HTRA3: variants seen among roughly 807,000 people sequenced by gnomAD.
HTRA3 encodes HtrA serine peptidase 3.
In HTRA3, 41 loss-of-function variants were observed where a neutral mutation model predicts 43.2. The ratio of observed to expected loss-of-function variants is 0.95; its 90% confidence interval spans 0.74 to 1.23. The LOEUF (loss-of-function observed/expected upper bound fraction) is 1.23. Among genes scored for constraint, HTRA3 ranks in the 50% most tolerant of loss-of-function variants. The pLI is 0.00. For synonymous variants in HTRA3, 295 were observed against 287.9 expected (o/e 1.02, Z -0.25); for missense variants, 628 against 647.1 (o/e 0.97, Z 0.32).
chr4:8,281,817 C>T (rs1050952742), intron 1 of HTRA3, among the ~76,000 whole-genome samples: 7 of 152,228 alleles, frequency 4.6e-5, no homozygotes, highest in Non-Finnish European at 8.8e-5. Context: ...TCTAGCAAGT[C>T]GGGCTGGGGT....
Position 8,270,315 on chromosome 4 carries a change from C to A in HTRA3, c.347C>A (p.Thr116Lys), listed in dbSNP as rs759734520. Residue 116 changes from threonine (T) to lysine (K), a missense_variant, in exon 1 of 9, where the codon ACG (threonine) becomes AAG (lysine). By Grantham distance (78) the Thr-to-Lys change is moderately conservative (BLOSUM62 -1). Coordinates refer to ENST00000307358, the MANE Select transcript of HTRA3 (RefSeq NM_053044.5). ...CGCCGCGCGCTGCAGCTCTCCGGGA[C>A]GCCCGTGCGCCAGCTGCAGAAGGGC... is the stretch of plus-strand genomic sequence containing the variant. ...ASRRALQLSG[T>K]PVRQLQKGAC... The A allele has an allele frequency of 1.9e-5, 28 of 1,454,844 alleles. No homozygotes were observed. Among genetic ancestry groups the A allele is most frequent in the Admixed American group, 2.6e-5 (1 of 37,956 alleles). 90.1% of individuals were successfully genotyped at this position (1,454,844 alleles called of 1,614,324 possible).
rs1713837636 is a variant in HTRA3, at chr4:8,306,091, G to C, written c.1317G>C (p.Gly439=). The C allele has an allele frequency of 1.2e-6, 2 of 1,608,062 alleles. No individual in the cohort carries two copies. The highest frequency in any genetic ancestry group is 2.7e-5 in the African/African-American group (2 of 74,740). ...ESPLLLEVRR[G]NDDLLFSIAP... is the part of the protein sequence containing the mutation. Reference sequence around the variant, plus strand: ...CTCTCCTACTGGAGGTGCGGCGGGGGAACGACGACCTCCTCTTCAGCATCG... The same window carrying C: ...CTCTCCTACTGGAGGTGCGGCGGGGCAACGACGACCTCCTCTTCAGCATCG... The change falls in exon 9 of 9, where the codon GGG becomes GGC. Residue 439 remains glycine (G), a synonymous_variant. Coordinates refer to ENST00000307358, the MANE Select transcript of HTRA3 (RefSeq NM_053044.5). This position sits in a 1 kb window ranked among gnomAD's most constrained non-coding sequence, Gnocchi z 8.9.
intron 6 of HTRA3, among the ~76,000 whole-genome samples, chr4:8,300,927 C>G (rs757724731): frequency 2.0e-5 from 3 of 147,870 alleles, no homozygotes; most frequent in Non-Finnish European, 4.5e-5. Context: ...TATTATTGAT[C>G]CAGTCATCTT....
chr4:8,305,110 C>T (rs1201059394), intron 8 of HTRA3, among the ~76,000 whole-genome samples: 1 of 152,196 alleles, frequency 6.6e-6, no homozygotes, highest in Non-Finnish European at 1.5e-5. Context: ...CCAGTTGCCT[C>T]CCCTCCTTAG....
chr4:8,280,012 G>A (rs1712680168), intron 1 of HTRA3, among the ~76,000 whole-genome samples: 1 of 152,202 alleles, frequency 6.6e-6, no homozygotes, highest in African/African-American at 2.4e-5. Context: ...TACAACTGGG[G>A]CTGCTGCGGG....
Position 8,297,705 on chromosome 4 carries a change from G to A in HTRA3, c.1051+3504G>A, listed in dbSNP as rs1381785883. Reference sequence around the variant, plus strand: ...GGAGTGGGAAGGGCCCATGTCCCAGGTGGGCTGTGCAGGTCCTGTCGAGGA... The same window carrying A: ...GGAGTGGGAAGGGCCCATGTCCCAGATGGGCTGTGCAGGTCCTGTCGAGGA... On this transcript the variant is annotated intron_variant, in intron 6 of 8. Coordinates refer to ENST00000307358, the MANE Select transcript of HTRA3 (RefSeq NM_053044.5). The surrounding 1 kb of genome is among the most constrained non-coding windows in gnomAD (Gnocchi z 5.8). 6.6e-6 allele frequency among the ~76,000 whole-genome samples: 1 copy of A among 152,096 alleles called. No individual in the cohort carries two copies. Among genetic ancestry groups the A allele is most frequent in the Non-Finnish European group, 1.5e-5 (1 of 68,000 alleles).
intron 7 of HTRA3, among the ~76,000 whole-genome samples, chr4:8,303,900 T>TCATCCATCCATC (rs542518473): frequency 1.1e-4 from 16 of 152,084 alleles, no homozygotes; most frequent in African/African-American, 3.6e-4. Context: ...ATTCCTTCAT[T>TCATCCATCCATC]CATCCATCCA....
chr4:8,270,812 T>C (rs146643708), intron 1 of HTRA3, among the ~76,000 whole-genome samples: 29 of 151,958 alleles, frequency 1.9e-4, no homozygotes, highest in African/African-American at 6.0e-4. Context: ...GTGGGAAGGG[T>C]CAGGGTGCAG....
chr4:8,277,556 C>T (rs1712578339), intron 1 of HTRA3, among the ~76,000 whole-genome samples: 1 of 152,224 alleles, frequency 6.6e-6, no homozygotes, highest in Admixed American at 6.5e-5. Context: ...GGAGGCGCTG[C>T]TGGCCTGGGC....
At chr4:8,271,035 C>G (rs900724865) in intron 1 of HTRA3, among the ~76,000 whole-genome samples, 2 of 152,112 alleles carry the variant, frequency 1.3e-5, no homozygotes, top group Non-Finnish European at 2.9e-5. Context: ...CTGCTGTGGC[C>G]GGACAGGGGT....
At chr4:8,299,324 A>T (rs1032797610) in intron 6 of HTRA3, among the ~76,000 whole-genome samples, 38 of 152,172 alleles carry the variant, frequency 2.5e-4, no homozygotes, top group African/African-American at 8.9e-4. Flanking sequence ...TGATTTTTGG[A>T]TGTTCACCAT....
chr4:8,274,086 C>T (rs1712418593), intron 1 of HTRA3, among the ~76,000 whole-genome samples: 2 of 152,178 alleles, frequency 1.3e-5, no homozygotes, highest in African/African-American at 4.8e-5. Context: ...TGCAAGGCAC[C>T]CCAGCACTTA....
At chr4:8,303,322 G>T (rs1282546714) in intron 7 of HTRA3, among the ~76,000 whole-genome samples, 2 of 152,222 alleles carry the variant, frequency 1.3e-5, no homozygotes, top group African/African-American at 4.8e-5. Context: ...CTCCTTGGGA[G>T]CAAGGACTGT....
rs1712177210 is a variant in HTRA3 at position 8,269,964 on chromosome 4, C to T, written c.-5C>T. 2 of 1,151,926 alleles carry T rather than the reference C, an allele frequency of 1.7e-6. No homozygotes were observed. The highest frequency in any genetic ancestry group is 2.1e-6 in the Non-Finnish European group (2 of 937,348). 71.4% of individuals were successfully genotyped at this position (1,151,926 alleles called of 1,614,324 possible). A position where few individuals can be genotyped will look rare whatever the true frequency, so the allele number is the denominator to read the frequency against. On this transcript the variant is annotated 5_prime_UTR_variant, in exon 1 of 9. Coordinates refer to ENST00000307358, the MANE Select transcript of HTRA3 (RefSeq NM_053044.5). ...GCGCTGCCACCCGCCGCCGGCCCTG[C>T]CGCCATGCAGGCGCGAGCGCTGCTC...
chr4:8,292,530 G>A (rs912685170), intron 5 of HTRA3, among the ~76,000 whole-genome samples, 177 bp downstream of exon 5: 1 of 152,222 alleles, frequency 6.6e-6, no homozygotes, highest in Non-Finnish European at 1.5e-5. Context: ...TGCCCCAAGC[G>A]CCTCGGGGAT....
chr4:8,297,773 C>G lies in HTRA3; in HGVS notation c.1051+3572C>G, dbSNP rs1005906093. On this transcript the variant is annotated intron_variant, in intron 6 of 8. Coordinates refer to ENST00000307358, the MANE Select transcript of HTRA3 (RefSeq NM_053044.5). This position sits in a 1 kb window ranked among gnomAD's most constrained non-coding sequence, Gnocchi z 5.8. The stretch of plus-strand genomic sequence containing the variant: ...AGAAGCCACCTAGAGAGTGATCCCC[C>G]GGATTTACGCCTCCAGCCTGGCCCC... Among the ~76,000 whole-genome samples the G allele has an allele frequency of 1.3e-5, 2 of 152,174 alleles. No homozygotes were observed. The highest frequency in any genetic ancestry group is 2.1e-4 in the South Asian group (1 of 4,820).
chr4:8,280,071 C>T (rs1712682314), intron 1 of HTRA3, among the ~76,000 whole-genome samples: 2 of 152,198 alleles, frequency 1.3e-5, no homozygotes, highest in African/African-American at 4.8e-5. Flanking sequence ...CCAACCAGAG[C>T]ATCTTGGTAG....
chr4:8,269,833 C>T lies in HTRA3; in HGVS notation c.-136C>T. ...CCGCCCTGACGCCCGCCAGCCTGAG[C>T]CACCGGCGCATGTGACCGCGCGTCC... On this transcript the variant is annotated 5_prime_UTR_variant, in exon 1 of 9. Transcript: ENST00000307358. 4.1e-6 allele frequency: 1 copy of T among 244,700 alleles called. No homozygotes were observed. Among genetic ancestry groups the T allele is most frequent in the Non-Finnish European group, 6.6e-6 (1 of 151,320 alleles). 15.2% of individuals were successfully genotyped at this position (244,700 alleles called of 1,614,324 possible).
At chr4:8,273,233 G>A (rs145799625) in intron 1 of HTRA3, among the ~76,000 whole-genome samples, 4,120 of 152,304 alleles carry the variant, frequency 0.027, 82 homozygotes, top group Non-Finnish European at 0.038. Flanking sequence ...GCTGGGAGTC[G>A]GGTCAGGCCT....
Sources: allele counts gnomAD v4.1 joint callset (sites outside exome capture counted in the v4.1 genomes callset), GRCh38; gene constraint gnomAD v4.1.1; non-coding constraint Gnocchi (gnomAD v3.1); transcripts MANE v1.5; gene names NCBI Gene and HGNC (gene_info 2026-07-23, HGNC 2026-07-21).